The following TRMT1 variants were observed in gnomAD, a reference collection of about 807,000 sequenced individuals.
The protein encoded by TRMT1 is tRNA methyltransferase 1, also known as tRNA (guanine(26)-N(2))-dimethyltransferase.
Under a neutral mutation model 75.4 loss-of-function variants are expected in TRMT1, and 63 were observed. That is an observed-to-expected ratio of 0.84 (90% CI 0.68 to 1.03). The LOEUF is 1.03. TRMT1 is among the 50% of genes least tolerant of loss of function. The probability of loss-of-function intolerance (pLI) is 0.00; values close to 1 mark genes in which losing one functional copy is unlikely to be tolerated. For synonymous variants in TRMT1, 382 were observed against 358.1 expected, an observed-to-expected ratio of 1.07 and a Z score of -0.75; for missense variants, 870 against 905.3, an observed-to-expected ratio of 0.96 and a Z score of 0.50.
intron 14 of TRMT1, among the ~76,000 whole-genome samples, chr19:13,106,041 AAG>A (rs1280847558): frequency 6.6e-6 from 1 of 151,650 alleles, no homozygotes; most frequent in African/African-American, 2.4e-5. Context: ...CAGCCTGGGC[AAG>A]AGAGTGAGCC....
chr19:13,115,514 C>T lies in TRMT1; in HGVS notation c.454-48G>A. Reference sequence around the variant, plus strand: ...TCCCTCACATCTCCACCTCCATCCTCTTCTGGGCCCCAAGGAGCCCCCACC... The same window carrying T: ...TCCCTCACATCTCCACCTCCATCCTTTTCTGGGCCCCAAGGAGCCCCCACC... On this transcript the variant is annotated intron_variant, in intron 4 of 16. Coordinates refer to ENST00000357720, the MANE Select transcript of TRMT1 (RefSeq NM_001136035.4). 6 of 1,599,992 alleles carry T rather than the reference C, an allele frequency of 3.8e-6. No homozygotes were observed. The Middle Eastern group carries it at 6.3e-4, about 168-fold the overall frequency.
Position 13,104,995 on chromosome 19 carries a change from T to C in TRMT1, c.1920A>G (p.Pro640=), listed in dbSNP as rs1401798009. ...CAGGGGGGGTCTGGTTGGAGGTCTC[T>C]GGACAGTCAGGGGCAGCATCAGCAG... The part of the protein sequence containing the change: ...RVSADAAPDC[P]ETSNQTPPGP... The change falls in exon 17 of 17, where the codon CCA becomes CCG. Residue 640 remains proline, a synonymous_variant. Transcript: ENST00000357720. 3 of 1,613,594 alleles carry C rather than the reference T, an allele frequency of 1.9e-6. No individual in the cohort carries two copies. The highest frequency in any genetic ancestry group is 2.5e-6 in the Non-Finnish European group (3 of 1,179,920).
chr19:13,115,964 C>T, intron 3 of TRMT1, 33 bp downstream of exon 3: 1 of 1,613,746 alleles, frequency 6.2e-7, no homozygotes, highest in Non-Finnish European at 8.5e-7. Flanking sequence ...CTTGTGTGAC[C>T]CCCGCCCACC....
At chr19:13,105,426 C>T in intron 15 of TRMT1, 30 bp from the exon 16 acceptor site, 1 of 1,613,756 alleles carries the variant, frequency 6.2e-7, no homozygotes, top group Non-Finnish European at 8.5e-7. Context: ...GGTGGGACCC[C>T]ATCTGCCCTT....
chr19:13,114,139 C>T (rs1322521380), intron 5 of TRMT1, among the ~76,000 whole-genome samples: 2 of 152,178 alleles, frequency 1.3e-5, no homozygotes, highest in East Asian at 3.8e-4. Context: ...GTATTTTAGG[C>T]TTTGTGAGTC....
In TRMT1 at chr19:13,116,353, C is replaced by T. The variant is rs1259488267; in HGVS notation, c.47G>A (p.Arg16Gln). 1.2e-6 allele frequency: 2 copies of T among 1,612,600 alleles called. No homozygotes were observed. The highest frequency in any genetic ancestry group is 1.7e-6 in the Non-Finnish European group (2 of 1,179,540). The change falls in exon 2 of 17, where the codon CGG becomes CAG. Residue 16 changes from arginine (R) to glutamine (Q), a missense_variant. Transcript: ENST00000357720. ...LWLSLTFRSA[R>Q]VLSRARFFEW... ...GAAAAACCGGGCTCTAGAGAGCACC[C>T]GGGCGGAGCGGAAAGTGAGGCTTAG...
Position 13,105,386 on chromosome 19 carries a change from C to T in TRMT1, c.1714G>A (p.Ala572Thr), listed in dbSNP as rs760757790. The stretch of plus-strand genomic sequence containing the variant: ...CGTCTCTCCTCCATAGCTTCGTCGG[C>T]CGCCTTGCCCCTGTGCGAGGGGAGG... ...RPRARPGGKA[A>T]DEAMEERRRL... The change falls in exon 16 of 17, where the codon GCC becomes ACC. Residue 572 changes from alanine (A) to threonine (T), a missense_variant. Ala to Thr is a moderately conservative substitution (Grantham distance 58). Coordinates refer to ENST00000357720, the MANE Select transcript of TRMT1 (RefSeq NM_001136035.4). 1.2e-6 allele frequency: 2 copies of T among 1,613,566 alleles called. No individual in the cohort carries two copies. Among genetic ancestry groups the T allele is most frequent in the African/African-American group, 2.7e-5 (2 of 74,940 alleles).
intron 12 of TRMT1, 142 bp downstream of exon 12, chr19:13,109,239 C>A (rs752205805): frequency 1.3e-5 from 13 of 979,772 alleles, no homozygotes; most frequent in Non-Finnish European, 1.8e-5. Context: ...CTCAGCCTCC[C>A]AAGGTACTGG....
Position 13,110,155 on chromosome 19 carries a change from G to T in TRMT1, c.1019+3C>A, listed in dbSNP as rs761498584. 1 of 1,612,126 alleles carries T rather than the reference G, an allele frequency of 6.2e-7. No individual in the cohort carries two copies. The highest frequency in any genetic ancestry group is 1.7e-5 in the Admixed American group (1 of 60,022). On this transcript the variant is annotated splice_donor_region_variant and intron_variant, in intron 8 of 16. Coordinates refer to ENST00000357720, the MANE Select transcript of TRMT1 (RefSeq NM_001136035.4). Reference sequence around the variant, plus strand: ...CACCACCGCTCTCTGCCCCCGGGCTGACCTGGCTGAGGCCTTGACCTTGGC... The same window carrying T: ...CACCACCGCTCTCTGCCCCCGGGCTTACCTGGCTGAGGCCTTGACCTTGGC...
In TRMT1 at chr19:13,112,808, C is replaced by T; in HGVS notation, c.767G>A (p.Cys256Tyr). The T allele has an allele frequency of 1.4e-5, 23 of 1,614,176 alleles. No individual in the cohort carries two copies. The highest frequency in any genetic ancestry group is 1.9e-5 in the Non-Finnish European group (23 of 1,180,014). The change falls in exon 7 of 17, where the codon TGT becomes TAT. Residue 256 changes from cysteine to tyrosine, a missense_variant. By Grantham distance (194) the Cys-to-Tyr change is radical (BLOSUM62 -2). Transcript: ENST00000357720. ...CACCGCCATGTCTGTGCAGGTCACA[C>T]ACAGCAACCCTGCAGAGAGGGGCTG... Reference protein sequence around the residue: ...VQAVSEGGLLCVTCTDMAVLA... With the variant: ...VQAVSEGGLLYVTCTDMAVLA...
In TRMT1 at chr19:13,108,478, A is replaced by C. The variant is rs1028799450; in HGVS notation, c.1398-619T>G. Among the ~76,000 whole-genome samples, 3 of 150,808 alleles carry C rather than the reference A, an allele frequency of 2.0e-5. No homozygotes were observed. In the Admixed American group the frequency reaches 2.0e-4, roughly 10 times the overall value. On this transcript the variant is annotated intron_variant, in intron 12 of 16. Transcript: ENST00000357720. ...GCTAATATTTTGGTATTTTTAGTAG[A>C]GATGGGGTTTCGCCACGTTGACCGG...
chr19:13,112,999 G>A lies in TRMT1; in HGVS notation c.654C>T (p.Tyr218=). 6.2e-7 allele frequency: 1 copy of A among 1,611,116 alleles called. No individual in the cohort carries two copies. Among genetic ancestry groups the A allele is most frequent in the South Asian group, 1.1e-5 (1 of 90,684 alleles). Residue 218 remains tyrosine (Y), a synonymous_variant, in exon 6 of 17, where the codon TAC becomes TAT. Transcript: ENST00000357720. Reference sequence around the variant, plus strand: ...ACCTCTCCGACACCCTCTGGTGCTGGTACATCAGCATCCTGGGTGCAAAGA... The same window carrying A: ...ACCTCTCCGACACCCTCTGGTGCTGATACATCAGCATCCTGGGTGCAAAGA... ...PSQADARMLM[Y]QHQRVSERFD... is the part of the protein sequence containing the mutation.
chr19:13,116,190 G>C lies in TRMT1; in HGVS notation c.210C>G (p.Asn70Lys), dbSNP rs777158852. The C allele has an allele frequency of 1.2e-6, 2 of 1,614,140 alleles. No homozygotes were observed. The highest frequency in any genetic ancestry group is 2.2e-5 in the South Asian group (2 of 91,088). Reference sequence around the variant, plus strand: ...CCTGCACCGGGTTATAAAAGACCTCGTTGGCACTGGGAAAGGCGATTTTGG... The same window carrying C: ...CCTGCACCGGGTTATAAAAGACCTCCTTGGCACTGGGAAAGGCGATTTTGG... ...GAAKIAFPSA[N>K]EVFYNPVQEF... The change falls in exon 2 of 17, where the codon AAC becomes AAG. Residue 70 changes from asparagine to lysine, a missense_variant. By Grantham distance (94) the Asn-to-Lys change is moderately conservative. Transcript: ENST00000357720.
Position 13,115,621 on chromosome 19 carries a change from C to T in TRMT1, c.453+5G>A. On this transcript the variant is annotated splice_donor_5th_base_variant and intron_variant, in intron 4 of 16. Transcript: ENST00000357720. The stretch of plus-strand genomic sequence containing the variant: ...GGGCTGCCAGCTCCTATGCTCAGGC[C>T]CCACCTCACAGATCTCCCCCACGGC... 7 of 1,608,592 alleles carry T rather than the reference C, an allele frequency of 4.4e-6. No homozygotes were observed. Among genetic ancestry groups the T allele is most frequent in the Non-Finnish European group, 6.0e-6 (7 of 1,176,184 alleles).
intron 3 of TRMT1, 26 bp downstream of exon 3, chr19:13,115,971 C>A (rs754457302): frequency 6.2e-7 from 1 of 1,613,908 alleles, no homozygotes; most frequent in Non-Finnish European, 8.5e-7. Context: ...GACCCCCGCC[C>A]ACCAGAAGCC....
At position 13,116,136 on chromosome 19, in the gene TRMT1, C is replaced by A. The variant is rs1175220386; in HGVS notation, c.254+10G>T. 2 of 1,613,986 alleles carry A rather than the reference C, an allele frequency of 1.2e-6. No homozygotes were observed. Among genetic ancestry groups the A allele is most frequent in the African/African-American group, 1.3e-5 (1 of 74,920 alleles). On this transcript the variant is annotated intron_variant, in intron 2 of 16. Transcript: ENST00000357720. ...AGCCGATGCCAGGCTAACGTCTGAC[C>A]CCTGCTCACGTCAGGTCCCGATTGA...
At chr19:13,116,486 C>G in intron 1 of TRMT1, 55 bp from the exon 2 acceptor site, 1 of 1,509,192 alleles carries the variant, frequency 6.6e-7, no homozygotes, top group Non-Finnish European at 8.8e-7. Flanking sequence ...GCATTCCGGG[C>G]CCGGGGATGT....
At chr19:13,108,481 T>C (rs2145580056) in intron 12 of TRMT1, among the ~76,000 whole-genome samples, 1 of 149,852 alleles carries the variant, frequency 6.7e-6, no homozygotes, top group Non-Finnish European at 1.5e-5. Context: ...TTAGTAGAGA[T>C]GGGGTTTCGC....
At chr19:13,113,841 C>T (rs1183008024) in intron 5 of TRMT1, among the ~76,000 whole-genome samples, 1 of 151,988 alleles carries the variant, frequency 6.6e-6, no homozygotes, top group African/African-American at 2.4e-5. Flanking sequence ...AGCTCCTGAC[C>T]TCAAGTGATC....
Sources: allele counts gnomAD v4.1 joint callset (sites outside exome capture counted in the v4.1 genomes callset), GRCh38; gene constraint gnomAD v4.1.1; transcripts MANE v1.5; gene names NCBI Gene and HGNC (gene_info 2026-07-23, HGNC 2026-07-21).